The following TENM1 variants were observed in gnomAD, a reference collection of about 807,000 sequenced individuals.
TENM1 encodes teneurin-1.
A neutral mutation model predicts 174.8 loss-of-function variants in TENM1; 35 were observed. That is an observed-to-expected ratio of 0.20 (90% CI 0.15 to 0.27). TENM1 has a LOEUF of 0.27. TENM1 is among the 10% of genes least tolerant of loss of function. The pLI is 1.00. For missense variants in TENM1, 1,633 were observed against 2,130.1 expected, an observed-to-expected ratio of 0.77 and a Z score of 4.59; for synonymous variants, 781 against 798.7, an observed-to-expected ratio of 0.98 and a Z score of 0.37.
chrX:124,672,531 G>A (rs921147046), intron 5 of TENM1, among the ~76,000 whole-genome samples: 1 of 111,137 alleles, frequency 9.0e-6, no homozygotes, highest in African/African-American at 3.3e-5. Flanking sequence ...AGGGCAATGT[G>A]GCACCATTTA....
the TENM1 span, among the ~76,000 whole-genome samples, chrX:125,049,561 T>A: frequency 8.9e-6 from 1 of 112,257 alleles, no homozygotes; most frequent in African/African-American, 3.2e-5. Context: ...ATGAATGGAA[T>A]TGCTGGGCAA....
At chrX:124,455,278 G>A (rs1003844869) in intron 22 of TENM1, among the ~76,000 whole-genome samples, 1 of 111,738 alleles carries the variant, frequency 8.9e-6, no homozygotes, top group African/African-American at 3.3e-5. Context: ...GAGGTATAAG[G>A]ACCCTTAAGG....
At chrX:124,996,147 T>C in the TENM1 span, among the ~76,000 whole-genome samples, 1 of 111,671 alleles carries the variant, frequency 9.0e-6, no homozygotes, top group African/African-American at 3.2e-5. Flanking sequence ...GCATATTCTT[T>C]AGAAAATCCA....
At chrX:124,511,665 T>C (rs906078545) in intron 18 of TENM1, among the ~76,000 whole-genome samples, 5 of 112,304 alleles carry the variant, frequency 4.5e-5, no homozygotes, top group African/African-American at 1.6e-4. Context: ...TGAGATAATA[T>C]ATGTGAAAGT....
chrX:125,028,848 G>A, the TENM1 span, among the ~76,000 whole-genome samples: 1 of 111,506 alleles, frequency 9.0e-6, no homozygotes, highest in South Asian at 3.8e-4. Context: ...GGGGACATAA[G>A]AAGTTTCAGC....
At chrX:124,609,676 C>A (rs1468037713) in intron 11 of TENM1, among the ~76,000 whole-genome samples, 1 of 111,565 alleles carries the variant, frequency 9.0e-6, no homozygotes, top group Non-Finnish European at 1.9e-5. Context: ...CTCTTGGTTG[C>A]CCCCACTGGA....
intron 4 of TENM1, among the ~76,000 whole-genome samples, chrX:124,725,238 T>G (rs1386649090): frequency 9.0e-6 from 1 of 111,094 alleles, no homozygotes; most frequent in Non-Finnish European, 1.9e-5. Context: ...GGGGAAAGGC[T>G]CTCTCCCCCT....
At chrX:125,202,440 T>A in the TENM1 span, among the ~76,000 whole-genome samples, 1 of 112,086 alleles carries the variant, frequency 8.9e-6, no homozygotes, top group East Asian at 2.8e-4. Context: ...ACTGAGAACT[T>A]CTCTTTGTAT....
intron 14 of TENM1, among the ~76,000 whole-genome samples, chrX:124,551,042 A>G (rs1257003138): frequency 5.3e-5 from 6 of 112,866 alleles, no homozygotes; most frequent in Non-Finnish European, 1.1e-4. Context: ...TTACAGGCGT[A>G]AGCCACCGGG....
At chrX:124,431,511 G>A (rs767415397) in intron 23 of TENM1, among the ~76,000 whole-genome samples, 8 of 111,830 alleles carry the variant, frequency 7.2e-5, no homozygotes, top group Non-Finnish European at 1.3e-4. Context: ...AGATTTTTCC[G>A]CACTTCTAAA....
At chrX:125,006,509 G>T in the TENM1 span, among the ~76,000 whole-genome samples, 2 of 111,960 alleles carry the variant, frequency 1.8e-5, no homozygotes, top group African/African-American at 6.5e-5. Flanking sequence ...GATTCTCCCA[G>T]CACAGTGCTA....
rs760989833 is a variant in TENM1 at position 124,550,930 on chromosome X, T to C, written c.2435-3840A>G. ...CCTGCCACCATGCCCAGCTAACTTT[T>C]TGTATTTTTAGTAGAGATGGGGCTT... On this transcript the variant is annotated intron_variant, in intron 14 of 31. Transcript: ENST00000422452. Among the ~76,000 whole-genome samples the C allele has an allele frequency of 1.7e-3, 188 of 111,574 alleles. 1 individual carries two copies. Among genetic ancestry groups the C allele is most frequent in the African/African-American group, 5.8e-3 (178 of 30,690 alleles).
At chrX:124,478,698 G>A (rs2046785056) in intron 22 of TENM1, among the ~76,000 whole-genome samples, 1 of 111,623 alleles carries the variant, frequency 9.0e-6, no homozygotes, top group Non-Finnish European at 1.9e-5. Flanking sequence ...CTGATCTACA[G>A]CTTTTCTTTA....
chrX:124,961,808 A>G (rs917965901), intron 1 of TENM1, among the ~76,000 whole-genome samples: 15 of 111,637 alleles, frequency 1.3e-4, no homozygotes, highest in African/African-American at 4.6e-4. Context: ...AAAGAGAGAT[A>G]GCAGCAAATT....
intron 15 of TENM1, among the ~76,000 whole-genome samples, chrX:124,537,699 T>G (rs1213957505): frequency 8.9e-6 from 1 of 112,047 alleles, no homozygotes; most frequent in Non-Finnish European, 1.9e-5. Context: ...ATTTGTTCTT[T>G]CTTCCCAAAC....
In TENM1 at chrX:124,860,195, A is replaced by C. The variant is rs1357823636; in HGVS notation, c.535+34101T>G. Among the ~76,000 whole-genome samples, 3 of 111,946 alleles carry C rather than the reference A, an allele frequency of 2.7e-5. No homozygotes were observed. In the East Asian group the frequency reaches 8.4e-4, roughly 31 times the overall value. ...ACCTCACACATTAGGTAAAGCTATA[A>C]AATTATTTGCGTACAGGACTTTAGG... On this transcript the variant is annotated intron_variant, in intron 3 of 31. Transcript: ENST00000422452.
chrX:124,490,147 C>T (rs1175872316), intron 20 of TENM1, among the ~76,000 whole-genome samples: 1 of 111,951 alleles, frequency 8.9e-6, no homozygotes, highest in East Asian at 2.8e-4. Context: ...TTTCGGAAAT[C>T]TTAGAGATGC....
chrX:124,469,814 A>G (rs908851659), intron 22 of TENM1, among the ~76,000 whole-genome samples: 1 of 111,964 alleles, frequency 8.9e-6, no homozygotes, highest in Non-Finnish European at 1.9e-5. Context: ...CAGAAAGGAC[A>G]ACAGCTCAGT....
chrX:124,923,026 G>A (rs749199828), intron 1 of TENM1, among the ~76,000 whole-genome samples: 1 of 111,721 alleles, frequency 9.0e-6, no homozygotes, highest in South Asian at 3.7e-4. Context: ...TGGCATTAGA[G>A]TATCTAATTC....
Sources: allele counts gnomAD v4.1 joint callset (sites outside exome capture counted in the v4.1 genomes callset), GRCh38; gene constraint gnomAD v4.1.1; transcripts MANE v1.5; gene names NCBI Gene and HGNC (gene_info 2026-07-23, HGNC 2026-07-21).